The following PTPRA variants were observed in gnomAD, a reference collection of about 807,000 sequenced individuals.
The protein encoded by PTPRA is protein tyrosine phosphatase receptor type A.
In PTPRA, 25 loss-of-function variants were observed where a neutral mutation model predicts 104.8. The observed-to-expected ratio is 0.24, with a 90% confidence interval of 0.17 to 0.33. The LOEUF is 0.33. PTPRA is among the 10% of genes least tolerant of loss of function. The pLI, the probability that PTPRA is intolerant of heterozygous loss-of-function variation, is 1.00. For missense variants in PTPRA, 765 were observed against 1,015.3 expected (o/e 0.75, Z 3.35); for synonymous variants, 323 against 368.9 (o/e 0.88, Z 1.43).
chr20:2,969,125 T>C (rs1399275307), intron 5 of PTPRA, among the ~76,000 whole-genome samples: 1 of 151,844 alleles, frequency 6.6e-6, no homozygotes, highest in African/African-American at 2.4e-5. Flanking sequence ...GACATGAGAA[T>C]TGCTTGAACC....
intron 3 of PTPRA, among the ~76,000 whole-genome samples, chr20:2,964,008 C>A (rs2061854845): frequency 6.6e-6 from 1 of 152,124 alleles, no homozygotes; most frequent in East Asian, 1.9e-4. Flanking sequence ...ACCACTGTCT[C>A]CATCCTGGGC....
At chr20:2,962,962 T>C (rs2061811331) in intron 3 of PTPRA, among the ~76,000 whole-genome samples, 2 of 152,202 alleles carry the variant, frequency 1.3e-5, no homozygotes, top group Non-Finnish European at 2.9e-5. Flanking sequence ...CACTTTAGAC[T>C]GTGAGTCCTG....
chr20:2,982,757 C>T (rs867039677), intron 6 of PTPRA, among the ~76,000 whole-genome samples: 3 of 151,044 alleles, frequency 2.0e-5, no homozygotes, highest in South Asian at 4.2e-4. Flanking sequence ...AGTGCAGTGG[C>T]GCAATCTCGG....
chr20:3,006,774 G>C (rs2063893632), intron 10 of PTPRA, among the ~76,000 whole-genome samples: 2 of 152,072 alleles, frequency 1.3e-5, no homozygotes, highest in Non-Finnish European at 2.9e-5. Context: ...ACTACCTATA[G>C]GCACATGCCA....
intron 20 of PTPRA, among the ~76,000 whole-genome samples, chr20:3,029,116 AT>A (rs11475978): frequency 0.023 from 760 of 33,366 alleles, 4 homozygotes; most frequent in African/African-American, 0.09. Context: ...TTACATCAGG[AT>A]TTTTTTTTTT....
intron 9 of PTPRA, among the ~76,000 whole-genome samples, chr20:3,002,824 C>T (rs186478758): frequency 1.3e-5 from 2 of 152,248 alleles, no homozygotes; most frequent in African/African-American, 2.4e-5. Flanking sequence ...AATTTGAACT[C>T]CCTATTCAAG....
chr20:3,027,635 G>A, intron 19 of PTPRA, 72 bp from the exon 20 acceptor site: 1 of 1,551,654 alleles, frequency 6.4e-7, no homozygotes, highest in South Asian at 1.2e-5. Flanking sequence ...TTCCCTTCTA[G>A]TGGTCTGTCT....
At chr20:2,934,931 C>A (rs2060636837) in intron 2 of PTPRA, among the ~76,000 whole-genome samples, 1 of 152,160 alleles carries the variant, frequency 6.6e-6, no homozygotes, top group African/African-American at 2.4e-5. Context: ...CTTAGCCTCC[C>A]AAAGTGCTGG....
At chr20:2,898,152 A>G (rs1377898609) in intron 1 of PTPRA, among the ~76,000 whole-genome samples, 1 of 151,788 alleles carries the variant, frequency 6.6e-6, no homozygotes, top group Non-Finnish European at 1.5e-5. Flanking sequence ...GCTGGAGTGC[A>G]GTGGCGCGAT....
chr20:3,008,654 G>C (rs2063986181), intron 11 of PTPRA, among the ~76,000 whole-genome samples: 5 of 151,116 alleles, frequency 3.3e-5, no homozygotes, highest in Admixed American at 3.3e-4. Flanking sequence ...CACTTTGGGA[G>C]GCCAAGGCGG....
intron 1 of PTPRA, among the ~76,000 whole-genome samples, chr20:2,908,748 T>C (rs2059517313): frequency 6.6e-6 from 1 of 151,918 alleles, no homozygotes; most frequent in African/African-American, 2.4e-5. Context: ...AAATACAAAA[T>C]TAAAAAAAAT....
intron 1 of PTPRA, among the ~76,000 whole-genome samples, chr20:2,879,318 A>C (rs1208458911): frequency 1.3e-5 from 2 of 152,164 alleles, no homozygotes; most frequent in African/African-American, 4.8e-5. Flanking sequence ...CCAAGTCCTG[A>C]ATCAGTAGGT....
At chr20:2,902,941 G>T (rs566903210) in intron 1 of PTPRA, among the ~76,000 whole-genome samples, 46 of 152,218 alleles carry the variant, frequency 3.0e-4, no homozygotes, top group African/African-American at 1.1e-3. Context: ...GGCTGCCTGG[G>T]TTCAAATCCC....
In PTPRA at chr20:2,964,358, G is replaced by A; in HGVS notation, c.73+8G>A. On this transcript the variant is annotated splice_region_variant and intron_variant, in intron 4 of 23. Transcript: ENST00000399903. ...CCAACAATGCTACCACAGGTAAATT[G>A]TCATTTGATAAGGCTGCTATTTGAA... The A allele has an allele frequency of 6.3e-7, 1 of 1,582,054 alleles. No individual in the cohort carries two copies. The highest frequency in any genetic ancestry group is 8.6e-7 in the Non-Finnish European group (1 of 1,163,024).
At chr20:2,990,190 T>A (rs2063109107) in intron 9 of PTPRA, among the ~76,000 whole-genome samples, 1 of 152,206 alleles carries the variant, frequency 6.6e-6, no homozygotes, top group African/African-American at 2.4e-5. Flanking sequence ...AGAGGAGCAG[T>A]TCCAGAGTTG....
At chr20:2,954,042 T>TACGTCTAC (rs2061446396) in intron 3 of PTPRA, among the ~76,000 whole-genome samples, 1 of 150,908 alleles carries the variant, frequency 6.6e-6, no homozygotes, top group Non-Finnish European at 1.5e-5. Context: ...TCCATGTAGC[T>TACGTCTAC]ACGTCTACAG....
At chr20:2,911,275 T>TAC (rs1381128656) in intron 1 of PTPRA, among the ~76,000 whole-genome samples, 1 of 152,194 alleles carries the variant, frequency 6.6e-6, no homozygotes, top group East Asian at 1.9e-4. Context: ...GCCTGTTGTA[T>TAC]ACAAACCAAT....
At chr20:2,964,084 G>C (rs1568672018) in intron 3 of PTPRA, among the ~76,000 whole-genome samples, 188 bp from the exon 4 acceptor site, 1 of 152,182 alleles carries the variant, frequency 6.6e-6, no homozygotes, top group Non-Finnish European at 1.5e-5. Flanking sequence ...ATAAGGGATA[G>C]TCAGTCTTTA....
chr20:2,912,413 C>T (rs969367775), intron 1 of PTPRA, among the ~76,000 whole-genome samples: 1 of 151,806 alleles, frequency 6.6e-6, no homozygotes, highest in African/African-American at 2.4e-5. Flanking sequence ...TGCTTGAGCT[C>T]AGGAGTTCAA....
Sources: allele counts gnomAD v4.1 joint callset (sites outside exome capture counted in the v4.1 genomes callset), GRCh38; gene constraint gnomAD v4.1.1; transcripts MANE v1.5; gene names NCBI Gene and HGNC (gene_info 2026-07-23, HGNC 2026-07-21).